Variants in BRINP3 observed in about 807,000 individuals in gnomAD.
BRINP3 encodes BMP/retinoic acid inducible neural specific 3.
Under a neutral mutation model 71.0 loss-of-function variants are expected in BRINP3, and 19 were observed. The observed-to-expected ratio is 0.27, with a 90% CI of 0.19 to 0.39. The LOEUF is 0.39. Ranked by LOEUF, BRINP3 falls within the 10% of genes least tolerant of loss-of-function variation. BRINP3 has a pLI of 1.00. For synonymous variants in BRINP3, 380 were observed against 337.7 expected (o/e 1.13, Z -1.37); for missense variants, 959 against 940.8 (o/e 1.02, Z -0.25).
At chr1:190,109,959 T>G (rs1652525766) in intron 7 of BRINP3, among the ~76,000 whole-genome samples, 1 of 152,228 alleles carries the variant, frequency 6.6e-6, no homozygotes, top group Non-Finnish European at 1.5e-5. Context: ...GTGGGACTTT[T>G]CAGCCTCTTT....
intron 2 of BRINP3, among the ~76,000 whole-genome samples, chr1:190,363,802 T>C (rs1558219457): frequency 6.6e-6 from 1 of 152,132 alleles, no homozygotes; most frequent in African/African-American, 2.4e-5. Context: ...GTGTGGAGAT[T>C]ATTTGCATGT....
At chr1:190,144,485 T>C (rs1459315083) in intron 7 of BRINP3, among the ~76,000 whole-genome samples, 1 of 152,072 alleles carries the variant, frequency 6.6e-6, no homozygotes, top group Non-Finnish European at 1.5e-5. Flanking sequence ...GCCTTTCCTC[T>C]AGGTGGTCAT....
At chr1:190,437,472 A>C (rs1273772175) in intron 2 of BRINP3, among the ~76,000 whole-genome samples, 1 of 151,812 alleles carries the variant, frequency 6.6e-6, no homozygotes, top group Non-Finnish European at 1.5e-5. Context: ...GTCCTTATCT[A>C]ATCCTAATGA....
chr1:190,285,287 A>T (rs188392232), intron 2 of BRINP3, among the ~76,000 whole-genome samples: 143 of 152,216 alleles, frequency 9.4e-4, no homozygotes, highest in Non-Finnish European at 1.6e-3. Context: ...GACATTACTG[A>T]TGACATTTTA....
intron 2 of BRINP3, among the ~76,000 whole-genome samples, chr1:190,296,011 T>A (rs969739091): frequency 6.6e-6 from 1 of 151,496 alleles, no homozygotes; most frequent in Admixed American, 6.6e-5. Flanking sequence ...TTGGCCATCA[T>A]GATCTGGCTC....
chr1:190,231,840 T>C (rs1297161139), intron 5 of BRINP3, among the ~76,000 whole-genome samples: 2 of 151,854 alleles, frequency 1.3e-5, no homozygotes, highest in African/African-American at 2.4e-5. Context: ...AATCTTAGAG[T>C]TCTGTTCTGA....
intron 6 of BRINP3, among the ~76,000 whole-genome samples, chr1:190,194,038 G>A (rs184895475): frequency 3.8e-4 from 58 of 152,154 alleles, no homozygotes; most frequent in Admixed American, 3.4e-3. Flanking sequence ...CTTAAATAAA[G>A]CTTTCCTTGT....
At chr1:190,301,576 T>C (rs962314111) in intron 2 of BRINP3, among the ~76,000 whole-genome samples, 2 of 151,844 alleles carry the variant, frequency 1.3e-5, no homozygotes, top group Admixed American at 6.6e-5. Context: ...TGAAAATGTA[T>C]GAAATAAAAA....
intron 2 of BRINP3, among the ~76,000 whole-genome samples, chr1:190,331,927 T>A (rs1372806917): frequency 6.6e-6 from 1 of 152,038 alleles, no homozygotes; most frequent in Non-Finnish European, 1.5e-5. Context: ...TTCATTTTGT[T>A]ATCAATGCAT....
chr1:190,395,670 T>C (rs1453912587), intron 2 of BRINP3, among the ~76,000 whole-genome samples: 3 of 151,844 alleles, frequency 2.0e-5, no homozygotes, highest in Non-Finnish European at 4.4e-5. Context: ...TGTATTTGAT[T>C]ACAAAAAACC....
chr1:190,106,050 T>C (rs1448724132), intron 7 of BRINP3, among the ~76,000 whole-genome samples: 2 of 152,068 alleles, frequency 1.3e-5, no homozygotes, highest in Admixed American at 6.6e-5. Context: ...TTAAAAAGTA[T>C]TATTATAGGC....
chr1:190,476,043 G>T (rs1047328621), intron 1 of BRINP3: 2 of 151,722 alleles, frequency 1.3e-5, no homozygotes, highest in African/African-American at 4.8e-5. Context: ...GGCGCCAAGT[G>T]GTGCGGACCA....
chr1:190,208,624 A>G (rs541451855), intron 6 of BRINP3, among the ~76,000 whole-genome samples: 4 of 152,150 alleles, frequency 2.6e-5, no homozygotes, highest in Non-Finnish European at 5.9e-5. Context: ...CTTCCCTAGA[A>G]GCTGTTACTA....
At chr1:190,129,354 G>A (rs1181471946) in intron 7 of BRINP3, among the ~76,000 whole-genome samples, 1 of 151,746 alleles carries the variant, frequency 6.6e-6, no homozygotes, top group Non-Finnish European at 1.5e-5. Flanking sequence ...TAATTTTATT[G>A]TCTACTAGAT....
intron 2 of BRINP3, among the ~76,000 whole-genome samples, chr1:190,415,596 T>C (rs1045611796): frequency 6.6e-6 from 1 of 152,130 alleles, no homozygotes; most frequent in South Asian, 2.1e-4. Context: ...CTAGATATAA[T>C]ATAATTCAGA....
chr1:190,198,638 G>C lies in BRINP3; in HGVS notation c.961+27444C>G, dbSNP rs540927875. ...ATCTCTAGGGCAGGAGCAAAATGCT[G>C]CCAGTCTCTTTGCAAGGATTTATCA... is the stretch of plus-strand genomic sequence containing the variant. On this transcript the variant is annotated intron_variant, in intron 6 of 7. Coordinates refer to ENST00000367462, the MANE Select transcript of BRINP3 (RefSeq NM_199051.3). Among the ~76,000 whole-genome samples, 3 of 152,208 alleles carry C rather than the reference G, an allele frequency of 2.0e-5. No homozygotes were observed. The East Asian group carries it at 5.8e-4, about 30-fold the overall frequency.
intron 2 of BRINP3, among the ~76,000 whole-genome samples, chr1:190,352,645 TG>T (rs1284829436): frequency 2.0e-5 from 3 of 152,036 alleles, no homozygotes; most frequent in Non-Finnish European, 4.4e-5. Flanking sequence ...CATATTTATA[TG>T]AAACATCTCA....
intron 7 of BRINP3, among the ~76,000 whole-genome samples, chr1:190,158,569 A>G (rs1243646646): frequency 1.3e-5 from 2 of 152,020 alleles, no homozygotes; most frequent in African/African-American, 4.8e-5. Context: ...CATGCAATAT[A>G]CCTATAAAAC....
rs1000933410 is a variant in BRINP3 at position 190,373,440 on chromosome 1, G to A, written c.236+81215C>T. On this transcript the variant is annotated intron_variant, in intron 2 of 7. Transcript: ENST00000367462. Reference sequence around the variant, plus strand: ...TCCTTAATTATATATATATATGTGTGTGTGTGTGTGTGTGTGTGTGTACAT... The same window carrying A: ...TCCTTAATTATATATATATATGTGTATGTGTGTGTGTGTGTGTGTGTACAT... 4.2e-4 allele frequency among the ~76,000 whole-genome samples: 61 copies of A among 146,240 alleles called. No individual in the cohort carries two copies. In the East Asian group the frequency reaches 5.3e-3, roughly 13 times the overall value.
Sources: allele counts gnomAD v4.1 joint callset (sites outside exome capture counted in the v4.1 genomes callset), GRCh38; gene constraint gnomAD v4.1.1; transcripts MANE v1.5; gene names NCBI Gene and HGNC (gene_info 2026-07-23, HGNC 2026-07-21).